IL1RAPL2: variants seen among roughly 807,000 people sequenced by gnomAD.
IL1RAPL2 encodes X-linked interleukin-1 receptor accessory protein-like 2.
In IL1RAPL2, 3 loss-of-function variants were observed where a neutral mutation model predicts 44.1. The observed-to-expected ratio is 0.07, with a 90% CI of 0.03 to 0.18. The LOEUF (loss-of-function observed/expected upper bound fraction) is 0.18. IL1RAPL2 is among the 10% of genes least tolerant of loss of function. IL1RAPL2 has a pLI of 1.00. For missense variants in IL1RAPL2, 391 were observed against 496.4 expected, an observed-to-expected ratio of 0.79 and a Z score of 2.02; for synonymous variants, 181 against 178.8, an observed-to-expected ratio of 1.01 and a Z score of -0.10.
intron 4 of IL1RAPL2, among the ~76,000 whole-genome samples, chrX:105,240,527 C>A (rs150383668): frequency 0.012 from 1,322 of 111,684 alleles, 25 homozygotes; most frequent in African/African-American, 0.041. Context: ...TATGAGAAAC[C>A]CGTATTCAAG....
chrX:104,734,226 G>C (rs1177269141), intron 2 of IL1RAPL2, among the ~76,000 whole-genome samples: 1 of 112,245 alleles, frequency 8.9e-6, no homozygotes, highest in Non-Finnish European at 1.9e-5. Context: ...AGCTACTCTG[G>C]AAAAACAGTT....
intron 1 of IL1RAPL2, among the ~76,000 whole-genome samples, chrX:104,622,539 T>G (rs977974832): frequency 1.8e-5 from 2 of 110,809 alleles, no homozygotes; most frequent in Non-Finnish European, 3.8e-5. Context: ...TGCTAAGTCA[T>G]CAGCAGCATT....
At chrX:105,447,118 TAAATATAAATATATATATGA>T (rs2035964664) in intron 5 of IL1RAPL2, among the ~76,000 whole-genome samples, 4 of 57,018 alleles carry the variant, frequency 7.0e-5, no homozygotes, top group African/African-American at 2.6e-4. Flanking sequence ...AAAATATATA[TAAATATAAATATATATATGA>T]ATATAAATAT....
At chrX:105,118,931 A>T (rs1482371331) in intron 2 of IL1RAPL2, among the ~76,000 whole-genome samples, 1 of 111,918 alleles carries the variant, frequency 8.9e-6, no homozygotes, top group Non-Finnish European at 1.9e-5. Flanking sequence ...TCTAAACTTC[A>T]TGGTTTTGTA....
intron 5 of IL1RAPL2, among the ~76,000 whole-genome samples, chrX:105,316,196 C>T (rs181199186): frequency 5.0e-4 from 56 of 111,199 alleles, no homozygotes; most frequent in African/African-American, 1.7e-3. Flanking sequence ...ATCACTTGAA[C>T]CTGGAAGGCA....
At chrX:104,630,286 T>C (rs760886842) in intron 1 of IL1RAPL2, among the ~76,000 whole-genome samples, 3 of 110,448 alleles carry the variant, frequency 2.7e-5, no homozygotes, top group Non-Finnish European at 3.8e-5. Flanking sequence ...TAGCTGAGAT[T>C]ACAGGCGCCC....
chrX:105,256,851 CTCT>C (rs1227343215), intron 4 of IL1RAPL2, among the ~76,000 whole-genome samples: 3 of 111,280 alleles, frequency 2.7e-5, no homozygotes, highest in Non-Finnish European at 5.7e-5. Flanking sequence ...TGGATCTTCT[CTCT>C]TCTTCTTTAT....
intron 2 of IL1RAPL2, among the ~76,000 whole-genome samples, chrX:105,050,121 A>T (rs1216861176): frequency 3.6e-5 from 4 of 112,002 alleles, no homozygotes; most frequent in Non-Finnish European, 7.5e-5. Context: ...AAATACTTGC[A>T]CTGTGTGTCC....
chrX:105,501,351 C>T (rs993066711), intron 6 of IL1RAPL2, among the ~76,000 whole-genome samples: 2 of 111,563 alleles, frequency 1.8e-5, no homozygotes, highest in Admixed American at 9.6e-5. Flanking sequence ...TAGCCTTGTA[C>T]GATGGCTCAT....
intron 2 of IL1RAPL2, among the ~76,000 whole-genome samples, chrX:105,082,847 A>G (rs1432389285): frequency 8.9e-6 from 1 of 111,870 alleles, no homozygotes; most frequent in African/African-American, 3.3e-5. Flanking sequence ...ATGGGGATAG[A>G]CCAGCGCAAA....
intron 2 of IL1RAPL2, among the ~76,000 whole-genome samples, chrX:105,128,038 A>C (rs1398470957): frequency 9.0e-6 from 1 of 110,874 alleles, no homozygotes; most frequent in Non-Finnish European, 1.9e-5. Context: ...GTATGCTTAC[A>C]ACTAAATTGT....
At chrX:104,770,586 T>A (rs953169968) in intron 2 of IL1RAPL2, among the ~76,000 whole-genome samples, 2 of 111,968 alleles carry the variant, frequency 1.8e-5, no homozygotes, top group African/African-American at 6.5e-5. Flanking sequence ...AAACTGAGAT[T>A]TAGAGAACTT....
chrX:104,965,228 C>T lies in IL1RAPL2; in HGVS notation c.83-230247C>T, dbSNP rs540225232. Among the ~76,000 whole-genome samples the T allele has an allele frequency of 5.4e-5, 6 of 111,455 alleles. No individual in the cohort carries two copies. The South Asian group carries it at 1.9e-3, about 35-fold the overall frequency. ...GATTGCCAGTTGAATCTCCTATCCACATAGAAATAGTGGACTAAAAGGTAT... is the reference window on the plus strand; with the variant it reads ...GATTGCCAGTTGAATCTCCTATCCATATAGAAATAGTGGACTAAAAGGTAT... On this transcript the variant is annotated intron_variant, in intron 2 of 10. Transcript: ENST00000372582.
intron 5 of IL1RAPL2, among the ~76,000 whole-genome samples, chrX:105,389,392 G>A (rs758211183): frequency 8.9e-6 from 1 of 111,823 alleles, no homozygotes; most frequent in Admixed American, 9.5e-5. Flanking sequence ...GTAAAAGTTG[G>A]CCCATTTGAC....
intron 2 of IL1RAPL2, among the ~76,000 whole-genome samples, chrX:104,739,490 T>TA (rs1182091078): frequency 3.6e-5 from 4 of 111,397 alleles, no homozygotes; most frequent in African/African-American, 1.3e-4. Flanking sequence ...CATCAGGATT[T>TA]AAAAAATCTC....
At chrX:105,582,740 A>C (rs1348843036) in intron 6 of IL1RAPL2, among the ~76,000 whole-genome samples, 1 of 108,633 alleles carries the variant, frequency 9.2e-6, no homozygotes, top group Non-Finnish European at 1.9e-5. Flanking sequence ...AAATGACTTT[A>C]TGTATATATT....
At chrX:105,447,274 A>G (rs1477464471) in intron 5 of IL1RAPL2, among the ~76,000 whole-genome samples, 2 of 48,516 alleles carry the variant, frequency 4.1e-5, no homozygotes, top group South Asian at 2.0e-3. Flanking sequence ...ATAAATATAT[A>G]TAAAATATAT....
Position 105,570,659 on chromosome X carries a change from G to C in IL1RAPL2, c.772+86272G>C, listed in dbSNP as rs1422969523. Among the ~76,000 whole-genome samples, 3 of 112,009 alleles carry C rather than the reference G, an allele frequency of 2.7e-5. No homozygotes were observed. The Admixed American group carries it at 2.9e-4, about 11-fold the overall frequency. On this transcript the variant is annotated intron_variant, in intron 6 of 10. Coordinates refer to ENST00000372582, the MANE Select transcript of IL1RAPL2 (RefSeq NM_017416.2). ...TGGCCTATTCTCTTTAAGTGTAGTA[G>C]TGATAGACTAATCATAGATTCAAGG...
At chrX:104,645,787 G>T (rs1930025925) in intron 1 of IL1RAPL2, among the ~76,000 whole-genome samples, 1 of 112,354 alleles carries the variant, frequency 8.9e-6, no homozygotes, top group Admixed American at 9.4e-5. Context: ...TAAATTAATG[G>T]ATCTTAGGAG....
Sources: allele counts gnomAD v4.1 joint callset (sites outside exome capture counted in the v4.1 genomes callset), GRCh38; gene constraint gnomAD v4.1.1; transcripts MANE v1.5; gene names NCBI Gene and HGNC (gene_info 2026-07-23, HGNC 2026-07-21).